The following NGEF variants were observed in gnomAD, a reference collection of about 807,000 sequenced individuals.
NGEF encodes the protein neuronal guanine nucleotide exchange factor, also known as ephexin-1.
A neutral mutation model predicts 80.9 loss-of-function variants in NGEF; 31 were observed. The ratio of observed to expected loss-of-function variants is 0.38; its 90% CI spans 0.29 to 0.52. The LOEUF is 0.52. Among genes scored for constraint, NGEF ranks in the 20% least tolerant of loss-of-function variants. The pLI, the probability that NGEF is intolerant of heterozygous loss-of-function variation, is 0.84. For missense variants in NGEF, 709 were observed against 926.2 expected (o/e 0.77, Z 3.04); for synonymous variants, 371 against 370.2 (o/e 1.00, Z -0.03).
Position 232,968,998 on chromosome 2 carries a change from G to A in NGEF, c.383+1216C>T, listed in dbSNP as rs74989077. Among the ~76,000 whole-genome samples, 757 of 152,254 alleles carry A rather than the reference G, an allele frequency of 5.0e-3. 5 individuals are homozygous for A. Among genetic ancestry groups the A allele is most frequent in the Non-Finnish European group, 8.5e-3 (577 of 68,020 alleles). ...GTCCATGCAGGCGTGAAGGAGCCGC[G>A]GTCACGACCCTCTAGACTTCTTTCA... is the stretch of plus-strand genomic sequence containing the variant. On this transcript the variant is annotated intron_variant, in intron 3 of 14. Transcript: ENST00000264051.
chr2:232,985,220 G>A (rs1266457267), intron 1 of NGEF, among the ~76,000 whole-genome samples: 7 of 152,182 alleles, frequency 4.6e-5, no homozygotes, highest in African/African-American at 1.2e-4. Context: ...TGTTAGATGA[G>A]ATAACAGCTT....
At chr2:232,926,501 A>G (rs1328902536) in intron 4 of NGEF, among the ~76,000 whole-genome samples, 1 of 152,062 alleles carries the variant, frequency 6.6e-6, no homozygotes, top group Admixed American at 6.5e-5. Flanking sequence ...TCCCTTCCTA[A>G]GCCAAGGGCC....
At chr2:232,952,095 GGC>G (rs1189112899) in intron 3 of NGEF, among the ~76,000 whole-genome samples, 1 of 152,226 alleles carries the variant, frequency 6.6e-6, no homozygotes, top group Non-Finnish European at 1.5e-5. Flanking sequence ...GTCTTAGCAG[GGC>G]TCTGTTGGAG....
intron 1 of NGEF, among the ~76,000 whole-genome samples, chr2:233,005,982 A>G (rs1217375104): frequency 2.0e-5 from 3 of 152,032 alleles, no homozygotes; most frequent in African/African-American, 7.2e-5. Flanking sequence ...ACATCTGGCT[A>G]ATTTTTGTAT....
intron 5 of NGEF, among the ~76,000 whole-genome samples, chr2:232,913,095 T>C (rs537704988): frequency 9.2e-5 from 14 of 152,346 alleles, no homozygotes; most frequent in Non-Finnish European, 1.3e-4. Context: ...GCTTAGGCTA[T>C]TGTTTTGAAA....
rs36112419 is a variant in NGEF at position 232,891,450 on chromosome 2, G to A, written c.1180C>T (p.Leu394=). Residue 394 remains leucine (L), a synonymous_variant, in exon 8 of 15, where the codon CTA becomes TTA. Transcript: ENST00000264051. The part of the protein sequence containing the change: ...KAAFRELIAQ[L]ELDPKCRGLP... ...CCCCTGCACTTGGGGTCGAGCTCTAGCTGCGCGATCAGCTCCCGGAAAGCT... is the reference window on the plus strand; with the variant it reads ...CCCCTGCACTTGGGGTCGAGCTCTAACTGCGCGATCAGCTCCCGGAAAGCT... 1 of 1,613,268 alleles carries A rather than the reference G, an allele frequency of 6.2e-7. No homozygotes were observed. Among genetic ancestry groups the A allele is most frequent in the African/African-American group, 1.3e-5 (1 of 74,942 alleles).
At chr2:232,887,047 A>G (rs546537141) in intron 9 of NGEF, among the ~76,000 whole-genome samples, 1 of 152,364 alleles carries the variant, frequency 6.6e-6, no homozygotes, top group East Asian at 1.9e-4. Context: ...GCAATAGGGT[A>G]GGAAGTCCTC....
chr2:232,935,044 G>T (rs140850781), intron 3 of NGEF, among the ~76,000 whole-genome samples: 118 of 151,962 alleles, frequency 7.8e-4, no homozygotes, highest in African/African-American at 2.8e-3. Context: ...ATTGGTGAAT[G>T]AATTAAAGTT....
intron 1 of NGEF, among the ~76,000 whole-genome samples, chr2:233,006,909 A>G (rs10169320): frequency 0.63 from 95,573 of 151,988 alleles, 31,093 homozygotes; most frequent in African/African-American, 0.69. Context: ...AAGTGCTTAA[A>G]AACATGATTT....
intron 3 of NGEF, among the ~76,000 whole-genome samples, chr2:232,950,091 C>T (rs1693648422): frequency 5.3e-5 from 8 of 152,160 alleles, no homozygotes; most frequent in Admixed American, 5.2e-4. Context: ...GGATTACAGG[C>T]ATGAGCCACT....
At chr2:232,894,685 C>G (rs926887893) in intron 6 of NGEF, 71 bp downstream of exon 6, 21 of 1,369,426 alleles carry the variant, frequency 1.5e-5, no homozygotes, top group Admixed American at 4.2e-5. Flanking sequence ...CACTTGTCAT[C>G]AGTGTCTCAA....
intron 4 of NGEF, among the ~76,000 whole-genome samples, chr2:232,925,748 C>T (rs992092936): frequency 6.6e-6 from 1 of 152,188 alleles, no homozygotes; most frequent in Admixed American, 6.5e-5. Context: ...TCAGATGTGG[C>T]AGCGTGGCAG....
intron 1 of NGEF, among the ~76,000 whole-genome samples, chr2:233,000,808 C>T (rs1694960397): frequency 6.6e-6 from 1 of 151,774 alleles, no homozygotes; most frequent in Non-Finnish European, 1.5e-5. Flanking sequence ...GAGGTCCCAT[C>T]TCCAATACCA....
chr2:232,896,007 A>G (rs577937335), intron 5 of NGEF, among the ~76,000 whole-genome samples: 3 of 150,668 alleles, frequency 2.0e-5, no homozygotes, highest in African/African-American at 7.3e-5. Flanking sequence ...CTTGTTTACA[A>G]ATCAACCCAA....
Position 232,891,495 on chromosome 2 carries a change from C to A in NGEF, c.1143-8G>T, listed in dbSNP as rs754784768. The A allele has an allele frequency of 6.2e-7, 1 of 1,611,308 alleles. No individual in the cohort carries two copies. The highest frequency in any genetic ancestry group is 1.7e-5 in the Admixed American group (1 of 59,926). The stretch of plus-strand genomic sequence containing the variant: ...AAAGCTGCCTTCTCCTGGCTGGGGA[C>A]ACAGACAGGTGGAGTAGGTCTCTGA... On this transcript the variant is annotated splice_region_variant and splice_polypyrimidine_tract_variant and intron_variant, in intron 7 of 14. Transcript: ENST00000264051.
chr2:232,906,009 CG>C (rs1240571571), intron 5 of NGEF, among the ~76,000 whole-genome samples: 2 of 132,460 alleles, frequency 1.5e-5, no homozygotes, highest in East Asian at 4.8e-4. Flanking sequence ...CCGCCCCGTC[CG>C]GGAGGGAGGT....
chr2:232,968,276 T>C (rs185424570), intron 3 of NGEF, among the ~76,000 whole-genome samples: 1 of 151,704 alleles, frequency 6.6e-6, no homozygotes, highest in East Asian at 2.0e-4. Flanking sequence ...TTAGTAGAGA[T>C]GGGGTTTCTC....
At chr2:232,881,318 C>T (rs563096398) in intron 13 of NGEF, 68 bp from the exon 14 acceptor site, 132 of 1,239,700 alleles carry the variant, frequency 1.1e-4, no homozygotes, top group Middle Eastern at 1.9e-4. Flanking sequence ...CCACCAAGCC[C>T]GCAGCTGAGC....
intron 3 of NGEF, among the ~76,000 whole-genome samples, chr2:232,935,839 T>A (rs13015807): frequency 0.16 from 24,902 of 152,076 alleles, 2,600 homozygotes; most frequent in Non-Finnish European, 0.22. Context: ...TTTCTTTTTT[T>A]CTTTTTGGTA....
Sources: gnomAD v4.1 joint callset for allele counts (sites outside exome capture counted in the v4.1 genomes callset) on GRCh38, gnomAD v4.1.1 for gene constraint, MANE v1.5 for transcripts, NCBI Gene and HGNC (gene_info 2026-07-23, HGNC 2026-07-21) for gene names.